Variants in PFKP observed in about 807,000 individuals in gnomAD.
PFKP encodes ATP-dependent 6-phosphofructokinase, platelet type.
A neutral mutation model predicts 94.3 loss-of-function variants in PFKP; 101 were observed. The observed-to-expected ratio is 1.07, with a 90% CI of 0.91 to 1.26. PFKP has a LOEUF of 1.26. Ranked by LOEUF, PFKP falls within the 50% of genes most tolerant of loss-of-function variation. The pLI, the probability that PFKP is intolerant of heterozygous loss-of-function variation, is 0.00. For missense variants in PFKP, 1,145 were observed against 1,103.3 expected (o/e 1.04, Z -0.53); for synonymous variants, 573 against 432.6 (o/e 1.32, Z -4.03).
intron 2 of PFKP, among the ~76,000 whole-genome samples, chr10:3,091,742 C>A (rs1034469298): frequency 1.3e-5 from 2 of 151,944 alleles, no homozygotes; most frequent in Non-Finnish European, 2.9e-5. Flanking sequence ...ACCTAGATTG[C>A]GCCACTGCAT....
intron 20 of PFKP, 69 bp downstream of exon 20, chr10:3,134,651 C>A: frequency 1.0e-6 from 1 of 986,644 alleles, no homozygotes; most frequent in Non-Finnish European, 1.6e-6. Context: ...AAAATGCTGT[C>A]CTATCGGGGA....
chr10:3,091,781 G>GTCTTTT, intron 2 of PFKP, among the ~76,000 whole-genome samples: 1 of 151,882 alleles, frequency 6.6e-6, no homozygotes, highest in Non-Finnish European at 1.5e-5. Flanking sequence ...GCGAGACTGT[G>GTCTTTT]TCAAAAAAGA....
rs566363542 is a variant in PFKP, at chr10:3,129,729, G to A, written c.1684-90G>A. On this transcript the variant is annotated intron_variant, in intron 16 of 21. Coordinates refer to ENST00000381125, the MANE Select transcript of PFKP (RefSeq NM_002627.5). ...CCGCATGTTTGGGCGCGGTGGGGGG[G>A]CCTTGCTGCACTCACTCTTGGGGGA... 7 of 1,376,394 alleles carry A rather than the reference G, an allele frequency of 5.1e-6. No individual in the cohort carries two copies. The East Asian group carries it at 1.6e-4, about 32-fold the overall frequency. The allele number at this position is 1,376,394 out of a possible 1,614,324, so 85.3% of individuals were successfully genotyped here.
chr10:3,111,412 T>A (rs138795483), intron 10 of PFKP, among the ~76,000 whole-genome samples: 1 of 152,272 alleles, frequency 6.6e-6, no homozygotes, highest in African/African-American at 2.4e-5. Context: ...CTCAGAGCAC[T>A]GAACGACATG....
intron 10 of PFKP, among the ~76,000 whole-genome samples, chr10:3,110,242 A>G (rs1394226623): frequency 2.0e-5 from 3 of 152,106 alleles, no homozygotes; most frequent in Non-Finnish European, 4.4e-5. Context: ...ACTGTTGCCC[A>G]GGCTAGAGTG....
chr10:3,093,638 C>CTTTTTTTTTTTTTTTTT lies in PFKP; in HGVS notation c.187-5630_187-5614dup, dbSNP rs765547765. Among the ~76,000 whole-genome samples, 247 of 94,056 alleles carry CTTTTTTTTTTTTTTTTT rather than the reference C, an allele frequency of 2.6e-3. 13 individuals carry two copies. Among genetic ancestry groups the CTTTTTTTTTTTTTTTTT allele is most frequent in the African/African-American group, 0.011 (242 of 21,254 alleles). The allele number at this position is 94,056 out of a possible 152,430, so 61.7% of individuals were successfully genotyped here. A position where few individuals can be genotyped will look rare whatever the true frequency, so the allele number is the denominator to read the frequency against. On this transcript the variant is annotated intron_variant, in intron 2 of 21. Transcript: ENST00000381125. ...CGATAACCACAGGAACAAGCATTATCTTTTTTTTTTTTTTTTTTTTTTTGA... is the reference window on the plus strand; with the variant it reads ...CGATAACCACAGGAACAAGCATTATCTTTTTTTTTTTTTTTTTTTTTTTTTTTTTTTTTTTTTTTTGA...
At chr10:3,126,253 C>A in intron 16 of PFKP, among the ~76,000 whole-genome samples, 2 of 152,348 alleles carry the variant, frequency 1.3e-5, no homozygotes, top group South Asian at 2.1e-4. Context: ...CGAGCCTCAG[C>A]CTCCCACTCG....
At chr10:3,076,391 C>T (rs560947310) in intron 1 of PFKP, among the ~76,000 whole-genome samples, 7 of 152,270 alleles carry the variant, frequency 4.6e-5, no homozygotes, top group Admixed American at 4.6e-4. Flanking sequence ...CGCCCCCGCC[C>T]CAGCCCCTCT....
At chr10:3,107,350 T>C in intron 8 of PFKP, 41 bp downstream of exon 8, 3 of 1,267,112 alleles carry the variant, frequency 2.4e-6, no homozygotes, top group Non-Finnish European at 3.5e-6. Context: ...GGTTTCTGCC[T>C]GGAAGCAGGG....
chr10:3,075,849 G>A (rs1348555279), intron 1 of PFKP, among the ~76,000 whole-genome samples: 1 of 148,044 alleles, frequency 6.8e-6, no homozygotes, highest in South Asian at 2.2e-4. Context: ...AGGCCGCAGT[G>A]AGCTGTGACT....
intron 16 of PFKP, among the ~76,000 whole-genome samples, chr10:3,124,328 T>TG (rs1464149720): frequency 6.6e-6 from 1 of 152,208 alleles, no homozygotes; most frequent in African/African-American, 2.4e-5. Flanking sequence ...GTGGGAACAG[T>TG]GGGCGTGTGG....
chr10:3,102,934 C>T (rs778912892), intron 4 of PFKP, among the ~76,000 whole-genome samples: 8 of 152,176 alleles, frequency 5.3e-5, no homozygotes, highest in African/African-American at 1.7e-4. Flanking sequence ...GTGCACAGAC[C>T]GGGACAGTGG....
At chr10:3,124,809 G>T (rs942030944) in intron 16 of PFKP, among the ~76,000 whole-genome samples, 6 of 151,704 alleles carry the variant, frequency 4.0e-5, no homozygotes, top group Non-Finnish European at 7.4e-5. Flanking sequence ...CTAACTCGCC[G>T]TTGCCTGCAA....
At chr10:3,134,162 A>T (rs1588583709) in intron 19 of PFKP, among the ~76,000 whole-genome samples, 1 of 152,240 alleles carries the variant, frequency 6.6e-6, no homozygotes, top group Non-Finnish European at 1.5e-5. Flanking sequence ...AGAATCCACA[A>T]CGGTTATCAG....
chr10:3,071,450 C>G lies in PFKP; in HGVS notation c.112+3743C>G, dbSNP rs202037942. 5.3e-4 allele frequency among the ~76,000 whole-genome samples: 33 copies of G among 62,760 alleles called. No individual in the cohort carries two copies. In the East Asian group the frequency reaches 7.3e-3, roughly 14 times the overall value. The allele number at this position is 62,760 out of a possible 152,430, so 41.2% of individuals were successfully genotyped here. A position where few individuals can be genotyped will look rare whatever the true frequency, so the allele number is the denominator to read the frequency against. ...CTGTTTTTTTTTTTTTTTTTTTTTT[C>G]TTTCTCTTCTTCTGCCTCTTTATGT... On this transcript the variant is annotated intron_variant, in intron 1 of 21. Coordinates refer to ENST00000381125, the MANE Select transcript of PFKP (RefSeq NM_002627.5).
Position 3,115,324 on chromosome 10 carries a change from C to T in PFKP, c.1372-1452C>T, listed in dbSNP as rs375354961. Among the ~76,000 whole-genome samples, 5 of 125,388 alleles carry T rather than the reference C, an allele frequency of 4.0e-5. 1 individual carries two copies. The highest frequency in any genetic ancestry group is 5.4e-4 in the South Asian group (2 of 3,716). 82.3% of individuals were successfully genotyped at this position (125,388 alleles called of 152,430 possible). On this transcript the variant is annotated intron_variant, in intron 13 of 21. Coordinates refer to ENST00000381125, the MANE Select transcript of PFKP (RefSeq NM_002627.5). Reference sequence around the variant, plus strand: ...GGGATGCTGGGGTGAAAGTGTGTGTCCCACGGCGGAGGACAGGACTGGGGA... The same window carrying T: ...GGGATGCTGGGGTGAAAGTGTGTGTTCCACGGCGGAGGACAGGACTGGGGA...
At chr10:3,082,607 G>A (rs576553820) in intron 2 of PFKP, 146 bp downstream of exon 2, 14 of 490,120 alleles carry the variant, frequency 2.9e-5, no homozygotes, top group South Asian at 4.9e-5. Context: ...AGCCAGGGCC[G>A]TTCCTCAGCC....
At chr10:3,069,260 C>A (rs540701662) in intron 1 of PFKP, 5 of 1,466,836 alleles carry the variant, frequency 3.4e-6, no homozygotes, top group Middle Eastern at 1.8e-4. Context: ...CCAGCATCAA[C>A]GTTCTTCCTG....
chr10:3,082,248 G>A, intron 1 of PFKP, 140 bp from the exon 2 acceptor site: 1 of 512,370 alleles, frequency 2.0e-6, no homozygotes, highest in East Asian at 3.2e-5. Context: ...TAATCCCAGA[G>A]GAGTGTGTGT....
Sources: gnomAD v4.1 joint callset for allele counts (sites outside exome capture counted in the v4.1 genomes callset) on GRCh38, gnomAD v4.1.1 for gene constraint, MANE v1.5 for transcripts, NCBI Gene and HGNC (gene_info 2026-07-23, HGNC 2026-07-21) for gene names.